FHL1: variants seen among roughly 807,000 people sequenced by gnomAD.
The protein encoded by FHL1 is four and a half LIM domains protein 1.
In FHL1, 1 loss-of-function variant was observed where a neutral mutation model predicts 20.3. That is an observed-to-expected ratio of 0.05 (90% CI 0.02 to 0.23). FHL1 has a LOEUF of 0.23. Ranked by LOEUF, FHL1 falls within the 10% of genes least tolerant of loss-of-function variation. The probability of loss-of-function intolerance (pLI) is 1.00; values close to 1 mark genes in which losing one functional copy is unlikely to be tolerated. For synonymous variants in FHL1, 82 were observed against 88.9 expected (o/e 0.92, Z 0.44); for missense variants, 177 against 234.0 (o/e 0.76, Z 1.59).
intron 1 of FHL1, among the ~76,000 whole-genome samples, chrX:136,152,766 A>G (rs1449996618): frequency 1.0e-4 from 11 of 108,944 alleles, no homozygotes; most frequent in Non-Finnish European, 1.9e-5. Context: ...AACACGTAGT[A>G]GACGTTGGAT....
chrX:136,173,986 C>T (rs1259967831), intron 2 of FHL1, among the ~76,000 whole-genome samples: 1 of 111,962 alleles, frequency 8.9e-6, no homozygotes, highest in Non-Finnish European at 1.9e-5. Context: ...GCGTGAGCCC[C>T]CGCACCTAGC....
intron 2 of FHL1, among the ~76,000 whole-genome samples, chrX:136,172,662 G>A (rs1469620238): frequency 8.8e-6 from 1 of 113,091 alleles, no homozygotes; most frequent in Non-Finnish European, 1.9e-5. Flanking sequence ...TTTTTAAAAC[G>A]TTTGTTTGGA....
upstream of FHL1, chrX:136,169,323 CT>C (rs1219141521): frequency 7.3e-6 from 1 of 136,433 alleles, no homozygotes; most frequent in Non-Finnish European, 1.4e-5. Flanking sequence ...CTGCAGAACC[CT>C]CGTCCTGGGA....
At position 136,208,613 on chromosome X, in the gene FHL1, G is replaced by A. The variant is rs1253823085; in HGVS notation, c.708G>A (p.Lys236=). 3 of 1,211,530 alleles carry A rather than the reference G, an allele frequency of 2.5e-6. No homozygotes were observed. The highest frequency in any genetic ancestry group is 3.4e-6 in the Non-Finnish European group (3 of 895,418). The change falls in exon 5 of 6, where the codon AAG becomes AAA. Residue 236 remains lysine (K), a synonymous_variant. Transcript: ENST00000370683. ...VDCYKNFVAK[K]CAGCKNPITG... is the part of the protein sequence containing the mutation. ...GCTACAAGAACTTTGTGGCCAAGAA[G>A]TGTGCTGGATGCAAGAACCCCATCA...
At chrX:136,155,673 T>A (rs2072394098) in intron 1 of FHL1, among the ~76,000 whole-genome samples, 1 of 111,459 alleles carries the variant, frequency 9.0e-6, no homozygotes, top group South Asian at 3.8e-4. Context: ...CTTCCTGTAG[T>A]ACACTGTATT....
intron 2 of FHL1, among the ~76,000 whole-genome samples, chrX:136,183,102 A>C (rs768554821): frequency 3.3e-4 from 34 of 102,160 alleles, no homozygotes; most frequent in East Asian, 2.1e-3. Context: ...CTCAAAAAAA[A>C]AAAAAACAAA....
chrX:136,207,707 C>T (rs1299091383), intron 3 of FHL1, 85 bp from the exon 4 acceptor site: 1 of 1,051,909 alleles, frequency 9.5e-7, no homozygotes, highest in East Asian at 3.1e-5. Flanking sequence ...CCCCTCACCT[C>T]TGGAGGGCCT....
chrX:136,202,634 T>C (rs2073742926), intron 1 of FHL1, among the ~76,000 whole-genome samples: 2 of 110,931 alleles, frequency 1.8e-5, no homozygotes, highest in Non-Finnish European at 1.9e-5. Context: ...CACATGCCTG[T>C]AGTTCCAGCT....
intron 2 of FHL1, among the ~76,000 whole-genome samples, chrX:136,173,902 G>GT (rs1303041812): frequency 1.8e-5 from 2 of 111,037 alleles, no homozygotes; most frequent in Admixed American, 9.6e-5. Flanking sequence ...GTTTCACCAT[G>GT]TTAGCCAGAA....
chrX:136,169,834 T>G (rs2072812383), intron 1 of FHL1: 1 of 330,054 alleles, frequency 3.0e-6, no homozygotes, highest in Non-Finnish European at 5.9e-6. Context: ...TGACTTTATT[T>G]TTTTAGAATT....
chrX:136,160,381 A>G (rs1021405786), intron 1 of FHL1, among the ~76,000 whole-genome samples: 1 of 112,145 alleles, frequency 8.9e-6, no homozygotes, highest in Non-Finnish European at 1.9e-5. Flanking sequence ...AAAAATACCA[A>G]TAAAGGGAAG....
Position 136,177,472 on chromosome X carries a change from T to C in FHL1, c.-27+7492T>C, listed in dbSNP as rs146669566. ...GTTGGTTCAAATGAGCCTTTAAAAC[T>C]TTTTCTCTTCTCCTGTATGGTGCTT... On this transcript the variant is annotated intron_variant, in intron 2 of 6. Transcript: ENST00000394153. Among the ~76,000 whole-genome samples, 671 of 112,156 alleles carry C rather than the reference T, an allele frequency of 6.0e-3. 4 individuals carry two copies. Among genetic ancestry groups the C allele is most frequent in the South Asian group, 0.02 (54 of 2,682 alleles).
intron 1 of FHL1, among the ~76,000 whole-genome samples, chrX:136,164,361 C>T (rs1410501105): frequency 9.2e-6 from 1 of 109,185 alleles, no homozygotes; most frequent in Non-Finnish European, 1.9e-5. Flanking sequence ...CACGCACCAC[C>T]ATGTCTGGCT....
At chrX:136,163,000 G>T (rs2148284370) in intron 1 of FHL1, among the ~76,000 whole-genome samples, 1 of 112,456 alleles carries the variant, frequency 8.9e-6, no homozygotes, top group East Asian at 2.8e-4. Flanking sequence ...CCAGCCTCCA[G>T]AGGGGAGGAA....
chrX:136,188,538 C>T (rs2073362686), intron 2 of FHL1, among the ~76,000 whole-genome samples: 1 of 111,340 alleles, frequency 9.0e-6, no homozygotes, highest in Non-Finnish European at 1.9e-5. Context: ...AAAATATAGC[C>T]TCTCTGATCC....
intron 2 of FHL1, among the ~76,000 whole-genome samples, chrX:136,186,040 T>TA (rs2073278761): frequency 8.9e-6 from 1 of 111,968 alleles, no homozygotes; most frequent in Admixed American, 9.4e-5. Context: ...TCAAATACTA[T>TA]ATGTAGTTTA....
Position 136,207,939 on chromosome X carries a change from A to G in FHL1, c.527A>G (p.Lys176Arg). ...ACTTGCCATGAGACCAAGTTTGCCA[A>G]GCATTGCGTGAAGTGCAACAAGGTA... is the stretch of plus-strand genomic sequence containing the variant. ...CVTCHETKFA[K>R]HCVKCNKAIT... The change falls in exon 4 of 6, where the codon AAG (lysine) becomes AGG (arginine). Residue 176 changes from lysine (K) to arginine (R), a missense_variant. Coordinates refer to ENST00000370683, the MANE Select transcript of FHL1 (RefSeq NM_001159699.2). The G allele has an allele frequency of 3.3e-6, 4 of 1,212,491 alleles. No individual in the cohort carries two copies. Among genetic ancestry groups the G allele is most frequent in the Non-Finnish European group, 4.5e-6 (4 of 895,665 alleles).
upstream of FHL1, among the ~76,000 whole-genome samples, chrX:136,166,741 G>A (rs1478728694): frequency 8.9e-6 from 1 of 112,507 alleles, no homozygotes; most frequent in African/African-American, 3.2e-5. Flanking sequence ...AAGGTGGATG[G>A]AATCGAAAGA....
intron 1 of FHL1, among the ~76,000 whole-genome samples, chrX:136,205,583 C>T (rs769956972): frequency 8.9e-6 from 1 of 111,842 alleles, no homozygotes; most frequent in Non-Finnish European, 1.9e-5. Context: ...CTATATTGCT[C>T]TGGCCTCAAA....
Sources: allele counts gnomAD v4.1 joint callset (sites outside exome capture counted in the v4.1 genomes callset), GRCh38; gene constraint gnomAD v4.1.1; transcripts MANE v1.5; gene names NCBI Gene and HGNC (gene_info 2026-07-23, HGNC 2026-07-21).